Variants in PLEKHA7 observed in about 807,000 individuals in gnomAD.
PLEKHA7 encodes pleckstrin homology domain containing A7, also known as pleckstrin homology domain-containing family A member 7.
PLEKHA7 carries 104 observed loss-of-function variants against 170.0 expected under a neutral mutation model. The ratio of observed to expected loss-of-function variants is 0.61; its 90% CI spans 0.52 to 0.72. The LOEUF (loss-of-function observed/expected upper bound fraction) is 0.72, where lower values mean the gene tolerates loss of function less well. PLEKHA7 is among the 30% of genes least tolerant of loss of function. PLEKHA7 has a pLI of 0.00. For missense variants in PLEKHA7, 1,615 were observed against 1,671.7 expected (o/e 0.97, Z 0.59); for synonymous variants, 648 against 660.8 (o/e 0.98, Z 0.30).
At chr11:16,967,702 C>T (rs1351873193) in intron 3 of PLEKHA7, among the ~76,000 whole-genome samples, 6 of 152,178 alleles carry the variant, frequency 3.9e-5, no homozygotes, top group Non-Finnish European at 5.9e-5. Flanking sequence ...CACTCAGGTG[C>T]ACTCCAAACC....
In PLEKHA7 at chr11:16,889,416, AAAAAATAT is replaced by A. The variant is rs1270082203; in HGVS notation, c.222-18242_222-18235del. On this transcript the variant is annotated intron_variant, in intron 3 of 26. Coordinates refer to ENST00000531066, the MANE Select transcript of PLEKHA7 (RefSeq NM_001329630.2). ...TTTATTGCTCAAAAAAAAAAAAAAA[AAAAAATAT>A]ATATATATATATATATATATATGAA... Among the ~76,000 whole-genome samples, 947 of 109,686 alleles carry A rather than the reference AAAAAATAT, an allele frequency of 8.6e-3. 7 individuals are homozygous for A. Among genetic ancestry groups the A allele is most frequent in the African/African-American group, 0.034 (839 of 24,936 alleles). The allele number at this position is 109,686 out of a possible 152,430, so 72.0% of individuals were successfully genotyped here. A position where few individuals can be genotyped will look rare whatever the true frequency, so the allele number is the denominator to read the frequency against.
At chr11:16,838,686 C>G (rs1851710696) in intron 9 of PLEKHA7, among the ~76,000 whole-genome samples, 1 of 140,388 alleles carries the variant, frequency 7.1e-6, no homozygotes, top group African/African-American at 2.5e-5. Flanking sequence ...GTGAAATACA[C>G]AGTTTTCTTT....
intron 3 of PLEKHA7, among the ~76,000 whole-genome samples, chr11:16,973,792 G>A (rs1862873227): frequency 6.6e-6 from 1 of 152,092 alleles, no homozygotes; most frequent in African/African-American, 2.4e-5. Flanking sequence ...TCCCTCTGGA[G>A]TGTTCCTCCC....
At chr11:16,920,457 G>C (rs1859006913) in intron 3 of PLEKHA7, among the ~76,000 whole-genome samples, 1 of 151,634 alleles carries the variant, frequency 6.6e-6, no homozygotes, top group Non-Finnish European at 1.5e-5. Context: ...AAAACAAAGA[G>C]AAAAGGTTTT....
chr11:16,796,504 A>G (rs137941145), intron 17 of PLEKHA7, among the ~76,000 whole-genome samples: 2 of 152,306 alleles, frequency 1.3e-5, no homozygotes, highest in African/African-American at 4.8e-5. Flanking sequence ...GCAAGGGCAG[A>G]GGGGACGCTG....
In PLEKHA7 at chr11:16,783,709, G is replaced by C; in HGVS notation, c.3641C>G (p.Ala1214Gly). 1 of 1,467,222 alleles carries C rather than the reference G, an allele frequency of 6.8e-7. No individual in the cohort carries two copies. The highest frequency in any genetic ancestry group is 1.4e-5 in the South Asian group (1 of 72,660). 90.9% of individuals were successfully genotyped at this position (1,467,222 alleles called of 1,614,324 possible). ...RKAEKIRNILARSSMCNLQPT... is the reference protein window; with the variant it reads ...RKAEKIRNILGRSSMCNLQPT... Reference sequence around the variant, plus strand: ...GCAAGCGAGGGCTGACCTTGACCGGGCGAGGATGTTGCGGATCTTCTCGGC... The same window carrying C: ...GCAAGCGAGGGCTGACCTTGACCGGCCGAGGATGTTGCGGATCTTCTCGGC... Residue 1214 changes from alanine to glycine, a missense_variant, in exon 25 of 27, where the codon GCC becomes GGC. Ala to Gly is a moderately conservative substitution (Grantham distance 60, BLOSUM62 0). Coordinates refer to ENST00000531066, the MANE Select transcript of PLEKHA7 (RefSeq NM_001329630.2).
In PLEKHA7 at chr11:16,789,362, CCCT is replaced by C. The variant is rs1849633963; in HGVS notation, c.3157-69_3157-67del. On this transcript the variant is annotated intron_variant, in intron 22 of 26. Transcript: ENST00000531066. This position sits in a 1 kb window ranked among gnomAD's most constrained non-coding sequence, Gnocchi z 4.6. ...GGGCTGGGCACGCAGAGGACAGCCACCCTGCTGGCTGCATTCCCGTTGTCTCTC... is the reference window on the plus strand; with the variant it reads ...GGGCTGGGCACGCAGAGGACAGCCACGCTGGCTGCATTCCCGTTGTCTCTC... The C allele has an allele frequency of 1.2e-5, 17 of 1,474,686 alleles. No homozygotes were observed. The highest frequency in any genetic ancestry group is 1.5e-5 in the Non-Finnish European group (16 of 1,063,648). The allele number at this position is 1,474,686 out of a possible 1,614,324, so 91.4% of individuals were successfully genotyped here.
intron 8 of PLEKHA7, among the ~76,000 whole-genome samples, chr11:16,847,842 C>CA (rs35191685): frequency 0.011 from 1,069 of 101,112 alleles, 10 homozygotes; most frequent in African/African-American, 0.021. Flanking sequence ...AATTCTGTCT[C>CA]AAAAAAAAAA....
chr11:16,784,411 T>C (rs1366393706), intron 24 of PLEKHA7, among the ~76,000 whole-genome samples: 1 of 152,272 alleles, frequency 6.6e-6, no homozygotes, highest in African/African-American at 2.4e-5. Context: ...AATGGATAAA[T>C]GGATGATTGA....
chr11:16,892,106 G>T (rs1467372965), intron 3 of PLEKHA7, among the ~76,000 whole-genome samples: 1 of 152,144 alleles, frequency 6.6e-6, no homozygotes, highest in Non-Finnish European at 1.5e-5. Context: ...ATCTGGCAAG[G>T]ATGTTGGTAA....
At chr11:17,000,438 G>A (rs1308779257) in intron 3 of PLEKHA7, among the ~76,000 whole-genome samples, 2 of 152,152 alleles carry the variant, frequency 1.3e-5, no homozygotes, top group African/African-American at 4.8e-5. Context: ...GCCACACAGG[G>A]CTTCTGAGAT....
Position 16,852,265 on chromosome 11 carries a change from G to C in PLEKHA7, c.595+18C>G. On this transcript the variant is annotated intron_variant, in intron 7 of 26. Transcript: ENST00000531066. ...AACTGAACACTTCGGCAGGGTAATAGGCTACTTGTTAGCTCACCTTTATAG... is the reference window on the plus strand; with the variant it reads ...AACTGAACACTTCGGCAGGGTAATACGCTACTTGTTAGCTCACCTTTATAG... 1 of 1,612,416 alleles carries C rather than the reference G, an allele frequency of 6.2e-7. No homozygotes were observed. The highest frequency in any genetic ancestry group is 8.5e-7 in the Non-Finnish European group (1 of 1,178,648).
chr11:16,983,408 T>C (rs1204661998), intron 3 of PLEKHA7, among the ~76,000 whole-genome samples: 2 of 151,944 alleles, frequency 1.3e-5, no homozygotes, highest in Non-Finnish European at 2.9e-5. Flanking sequence ...GACCTTTCCA[T>C]AAAGGCCTGA....
chr11:16,854,376 G>T (rs889720825), intron 6 of PLEKHA7, among the ~76,000 whole-genome samples: 3 of 152,164 alleles, frequency 2.0e-5, no homozygotes, highest in Non-Finnish European at 2.9e-5. Context: ...GAGAATGGTG[G>T]TACCATTACT....
intron 3 of PLEKHA7, among the ~76,000 whole-genome samples, chr11:16,872,618 C>T (rs1201434860): frequency 6.6e-6 from 1 of 152,114 alleles, no homozygotes; most frequent in East Asian, 1.9e-4. Context: ...CTCCTGGGCT[C>T]AAGTGATCCT....
intron 11 of PLEKHA7, 107 bp downstream of exon 11, chr11:16,816,693 T>C: frequency 7.6e-7 from 1 of 1,323,808 alleles, no homozygotes; most frequent in African/African-American, 1.5e-5. Flanking sequence ...GCCTAAGTAT[T>C]AGCTATCATT....
At chr11:16,830,162 T>G (rs913570962) in intron 9 of PLEKHA7, among the ~76,000 whole-genome samples, 19 of 152,082 alleles carry the variant, frequency 1.2e-4, no homozygotes, top group Non-Finnish European at 2.5e-4. Flanking sequence ...ATTTTTTTTT[T>G]TTGTAGAGAC....
chr11:16,965,192 G>A (rs750216339), intron 3 of PLEKHA7, among the ~76,000 whole-genome samples: 5 of 151,960 alleles, frequency 3.3e-5, no homozygotes, highest in Admixed American at 1.3e-4. Context: ...GTGTGGTAGC[G>A]CGTGCCTATA....
At chr11:16,916,442 C>G (rs1157851852) in intron 3 of PLEKHA7, among the ~76,000 whole-genome samples, 1 of 152,214 alleles carries the variant, frequency 6.6e-6, no homozygotes, top group Non-Finnish European at 1.5e-5. Flanking sequence ...CCACTACTTA[C>G]AAGCTGTGTG....
Sources: allele counts gnomAD v4.1 joint callset (sites outside exome capture counted in the v4.1 genomes callset), GRCh38; gene constraint gnomAD v4.1.1; non-coding constraint Gnocchi (gnomAD v3.1); transcripts MANE v1.5; gene names NCBI Gene and HGNC (gene_info 2026-07-23, HGNC 2026-07-21).